Variants in ADCY8 observed in about 807,000 individuals in gnomAD.
The protein encoded by ADCY8 is adenylate cyclase 8, also known as adenylate cyclase type 8.
In ADCY8, 51 loss-of-function variants were observed where a neutral mutation model predicts 119.7. The ratio of observed to expected loss-of-function variants is 0.43; its 90% CI spans 0.34 to 0.54. ADCY8 has a LOEUF of 0.54. Among genes scored for constraint, ADCY8 ranks in the 20% least tolerant of loss-of-function variants. The probability of loss-of-function intolerance (pLI) is 0.03; values close to 1 mark genes in which losing one functional copy is unlikely to be tolerated. For missense variants in ADCY8, 1,383 were observed against 1,598.8 expected, an observed-to-expected ratio of 0.87 and a Z score of 2.30; for synonymous variants, 665 against 651.0, an observed-to-expected ratio of 1.02 and a Z score of -0.33.
intron 2 of ADCY8, among the ~76,000 whole-genome samples, chr8:130,961,832 T>G (rs1009500976): frequency 2.0e-5 from 3 of 152,168 alleles, no homozygotes; most frequent in Non-Finnish European, 4.4e-5. Flanking sequence ...GGATGCATTT[T>G]CTGCAGTGAC....
At chr8:130,850,644 T>C (rs1817493897) in intron 9 of ADCY8, among the ~76,000 whole-genome samples, 1 of 152,198 alleles carries the variant, frequency 6.6e-6, no homozygotes, top group Non-Finnish European at 1.5e-5. Context: ...AAAGGGTACC[T>C]TGATAGAAGT....
chr8:130,894,135 T>A (rs1819302884), intron 7 of ADCY8, among the ~76,000 whole-genome samples: 1 of 152,158 alleles, frequency 6.6e-6, no homozygotes, highest in African/African-American at 2.4e-5. Flanking sequence ...ATGCTTTCCT[T>A]AATTTAATTC....
intron 2 of ADCY8, among the ~76,000 whole-genome samples, chr8:130,964,699 G>T (rs1455400214): frequency 6.6e-6 from 1 of 152,052 alleles, no homozygotes; most frequent in Non-Finnish European, 1.5e-5. Flanking sequence ...ATGCACTTTG[G>T]CTATGGTCTC....
chr8:130,878,640 A>G (rs1343403392), intron 8 of ADCY8, among the ~76,000 whole-genome samples: 1 of 152,164 alleles, frequency 6.6e-6, no homozygotes, highest in Non-Finnish European at 1.5e-5. Flanking sequence ...GCAAAATCAG[A>G]ATCTTGGGGG....
intron 15 of ADCY8, among the ~76,000 whole-genome samples, chr8:130,793,953 T>G (rs2130084004): frequency 6.6e-6 from 1 of 152,306 alleles, no homozygotes; most frequent in South Asian, 2.1e-4. Context: ...GAGTAATTTT[T>G]AAAGCTAAGA....
intron 10 of ADCY8, 61 bp from the exon 11 acceptor site, chr8:130,847,574 G>T: frequency 7.2e-7 from 1 of 1,389,812 alleles, no homozygotes; most frequent in Non-Finnish European, 1.0e-6. Flanking sequence ...AACAAAGTCA[G>T]TGTGAGTGCT....
chr8:130,793,231 C>T (rs1442829664), intron 15 of ADCY8, among the ~76,000 whole-genome samples: 1 of 152,158 alleles, frequency 6.6e-6, no homozygotes, highest in Non-Finnish European at 1.5e-5. Context: ...TCATCTCCTC[C>T]AGGCCTCTCA....
intron 12 of ADCY8, among the ~76,000 whole-genome samples, chr8:130,823,880 C>A (rs754361267): frequency 6.6e-6 from 1 of 152,130 alleles, no homozygotes; most frequent in East Asian, 1.9e-4. Context: ...CATACTGTTT[C>A]GTAAGCTACT....
At chr8:131,027,926 T>C (rs964917595) in intron 1 of ADCY8, among the ~76,000 whole-genome samples, 2 of 152,186 alleles carry the variant, frequency 1.3e-5, no homozygotes, top group African/African-American at 4.8e-5. Flanking sequence ...CACTACACTA[T>C]GCTGTAGAGA....
At position 131,007,715 on chromosome 8, in the gene ADCY8, G is replaced by A. The variant is rs578020200; in HGVS notation, c.961-17173C>T. 2.6e-5 allele frequency among the ~76,000 whole-genome samples: 4 copies of A among 152,236 alleles called. No individual in the cohort carries two copies. In the South Asian group the frequency reaches 8.3e-4, roughly 32 times the overall value. On this transcript the variant is annotated intron_variant, in intron 1 of 17. Coordinates refer to ENST00000286355, the MANE Select transcript of ADCY8 (RefSeq NM_001115.3). ...TTACAAATTTCTAATCCTGTGATAG[G>A]GATTTATTTTCTTTTTGTATATGTG...
rs765587981 is a variant in ADCY8, at chr8:130,951,969, C to T, written c.1140G>A (p.Arg380=). ...QERLVLSVLP[R]FVVLEMINDM... is the part of the protein sequence containing the mutation. ...CGTTGATCATTTCCAGGACAACAAA[C>T]CGGGGGAGCACAGAAAGCACGAGCC... Residue 380 remains arginine, a synonymous_variant, in exon 3 of 18, where the codon CGG becomes CGA. Transcript: ENST00000286355. 4 of 1,613,984 alleles carry T rather than the reference C, an allele frequency of 2.5e-6. No individual in the cohort carries two copies. The Admixed American group carries it at 6.7e-5, about 27-fold the overall frequency.
chr8:131,011,628 G>C (rs1281134974), intron 1 of ADCY8, among the ~76,000 whole-genome samples: 8 of 152,186 alleles, frequency 5.3e-5, no homozygotes, highest in African/African-American at 1.9e-4. Flanking sequence ...ATGGGCCTGG[G>C]GTAGGTTTGT....
Position 130,975,899 on chromosome 8 carries a change from C to T in ADCY8, c.1110+14494G>A, listed in dbSNP as rs1030407810. Reference sequence around the variant, plus strand: ...TTGGACAATTCCCAGTGACACTGCCCGCAATTCTGAAAATTACTTTTATAC... The same window carrying T: ...TTGGACAATTCCCAGTGACACTGCCTGCAATTCTGAAAATTACTTTTATAC... On this transcript the variant is annotated intron_variant, in intron 2 of 17. Coordinates refer to ENST00000286355, the MANE Select transcript of ADCY8 (RefSeq NM_001115.3). Among the ~76,000 whole-genome samples the T allele has an allele frequency of 2.0e-5, 3 of 152,086 alleles. 1 individual carries two copies. The highest frequency in any genetic ancestry group is 4.1e-4 in the South Asian group (2 of 4,822).
intron 8 of ADCY8, among the ~76,000 whole-genome samples, chr8:130,877,776 T>C (rs867318178): frequency 1.3e-5 from 2 of 152,086 alleles, no homozygotes; most frequent in African/African-American, 2.4e-5. Flanking sequence ...CACCTACAAA[T>C]TTAAACACAT....
intron 14 of ADCY8, among the ~76,000 whole-genome samples, chr8:130,807,170 C>T (rs372605129): frequency 5.2e-4 from 79 of 152,184 alleles, no homozygotes; most frequent in African/African-American, 1.6e-3. Flanking sequence ...TGAGGACTGA[C>T]GTCCTCTCTG....
intron 1 of ADCY8, among the ~76,000 whole-genome samples, chr8:131,017,628 C>A (rs1168342829): frequency 2.0e-5 from 3 of 152,320 alleles, no homozygotes; most frequent in African/African-American, 7.2e-5. Context: ...TCTGCATGGG[C>A]AGCCACCAGT....
At chr8:130,832,081 AG>A (rs1390545450) in intron 12 of ADCY8, among the ~76,000 whole-genome samples, 2 of 152,224 alleles carry the variant, frequency 1.3e-5, no homozygotes, top group Non-Finnish European at 2.9e-5. Context: ...TTGATGGAAC[AG>A]CTGGGATTTC....
intron 5 of ADCY8, among the ~76,000 whole-genome samples, chr8:130,924,387 A>G (rs989146246): frequency 3.3e-5 from 5 of 152,240 alleles, no homozygotes; most frequent in Non-Finnish European, 5.9e-5. Flanking sequence ...TTCCCCTGGC[A>G]CACAGGCTGT....
rs111933866 is a variant in ADCY8 at position 131,020,803 on chromosome 8, T to C, written c.960+18571A>G. Among the ~76,000 whole-genome samples the C allele has an allele frequency of 7.6e-3, 1,159 of 152,292 alleles. 9 individuals carry two copies. Among genetic ancestry groups the C allele is most frequent in the African/African-American group, 0.027 (1,120 of 41,554 alleles). On this transcript the variant is annotated intron_variant, in intron 1 of 17. Transcript: ENST00000286355. ...CTAATCTCACAAGGCCTGGTGCACTTTCAAAGAGTTACAAGTAGGAAGGTA... is the reference window on the plus strand; with the variant it reads ...CTAATCTCACAAGGCCTGGTGCACTCTCAAAGAGTTACAAGTAGGAAGGTA...
Sources: gnomAD v4.1 joint callset for allele counts (sites outside exome capture counted in the v4.1 genomes callset) on GRCh38, gnomAD v4.1.1 for gene constraint, MANE v1.5 for transcripts, NCBI Gene and HGNC (gene_info 2026-07-23, HGNC 2026-07-21) for gene names.